Variants in SNTB1 observed in about 807,000 individuals in gnomAD.
The protein encoded by SNTB1 is syntrophin beta 1, also known as beta-1-syntrophin.
Under a neutral mutation model 48.9 loss-of-function variants are expected in SNTB1, and 36 were observed. The observed-to-expected ratio is 0.74, with a 90% CI of 0.56 to 0.97. The LOEUF (loss-of-function observed/expected upper bound fraction) is 0.97, where lower values mean the gene tolerates loss of function less well. SNTB1 is among the 50% of genes least tolerant of loss of function. The pLI is 0.00. For synonymous variants in SNTB1, 299 were observed against 294.6 expected, an observed-to-expected ratio of 1.01 and a Z score of -0.15; for missense variants, 786 against 703.4, an observed-to-expected ratio of 1.12 and a Z score of -1.33.
intron 2 of SNTB1, among the ~76,000 whole-genome samples, chr8:120,649,412 T>TG (rs1474241441): frequency 1.5e-5 from 2 of 135,716 alleles, no homozygotes; most frequent in Non-Finnish European, 3.2e-5. Flanking sequence ...GCAGGTCTGT[T>TG]GGAGTACCCT....
chr8:120,809,151 A>G (rs1324194673), intron 1 of SNTB1, among the ~76,000 whole-genome samples: 1 of 152,216 alleles, frequency 6.6e-6, no homozygotes, highest in Non-Finnish European at 1.5e-5. Flanking sequence ...ATTTGACTTG[A>G]TGGTATTTGA....
At chr8:120,719,151 G>A (rs914072311) in intron 1 of SNTB1, among the ~76,000 whole-genome samples, 1 of 152,188 alleles carries the variant, frequency 6.6e-6, no homozygotes. Flanking sequence ...GTCTGTGAGG[G>A]TGTTGCCAAA....
At chr8:120,634,058 C>T (rs1287665271) in intron 2 of SNTB1, among the ~76,000 whole-genome samples, 3 of 152,096 alleles carry the variant, frequency 2.0e-5, no homozygotes, top group African/African-American at 4.8e-5. Context: ...ATGTGTTCCC[C>T]CACACCCACC....
In SNTB1 at chr8:120,811,269, T is replaced by G. The variant is rs756159244; in HGVS notation, c.571+4A>C. ...GCGCGGCCCGCGCGCTGTTAACCCC[T>G]TACCTTCCAGCAGCACTTCCTTGCC... On this transcript the variant is annotated splice_donor_region_variant and intron_variant, in intron 1 of 6. Transcript: ENST00000517992. 7 of 1,591,370 alleles carry G rather than the reference T, an allele frequency of 4.4e-6. No homozygotes were observed. The South Asian group carries it at 7.8e-5, about 18-fold the overall frequency.
intron 2 of SNTB1, among the ~76,000 whole-genome samples, chr8:120,644,498 T>A (rs1817250174): frequency 6.6e-6 from 1 of 152,178 alleles, no homozygotes; most frequent in Non-Finnish European, 1.5e-5. Context: ...GAACTCATCA[T>A]TTTTTATGGC....
intron 4 of SNTB1, chr8:120,571,234 G>T (rs1356039588): frequency 7.9e-7 from 1 of 1,266,980 alleles, no homozygotes; most frequent in Admixed American, 2.5e-5. Context: ...TTGTTTCTGA[G>T]AATCATTTCA....
intron 2 of SNTB1, among the ~76,000 whole-genome samples, chr8:120,636,422 G>C: frequency 1.7e-5 from 2 of 120,652 alleles, no homozygotes; most frequent in Non-Finnish European, 3.3e-5. Flanking sequence ...TCCCCAGAGT[G>C]TGATGTTCCC....
At chr8:120,729,215 C>G (rs561427304) in intron 1 of SNTB1, among the ~76,000 whole-genome samples, 207 of 152,326 alleles carry the variant, frequency 1.4e-3, no homozygotes, top group African/African-American at 5.0e-3. Flanking sequence ...AACTCCTGGT[C>G]TCAAGTGATC....
chr8:120,677,302 C>T (rs1339577797), intron 2 of SNTB1, among the ~76,000 whole-genome samples: 2 of 152,152 alleles, frequency 1.3e-5, no homozygotes, highest in Non-Finnish European at 2.9e-5. Context: ...TTCTATAAAG[C>T]CATACATGGC....
intron 4 of SNTB1, 152 bp from the exon 5 acceptor site, chr8:120,549,110 C>T: frequency 1.7e-6 from 1 of 604,092 alleles, no homozygotes; most frequent in Non-Finnish European, 2.8e-6. Flanking sequence ...CTGCCATCTC[C>T]TCTCCAATGA....
rs971142457 is a variant in SNTB1, at chr8:120,536,877, C to T, written c.*2000G>A. The stretch of plus-strand genomic sequence containing the variant: ...AGTTAACTCATACTTCATGTAGAAC[C>T]GAGCACCTTAGATTACATATTGTTG... On this transcript the variant is annotated 3_prime_UTR_variant, in exon 7 of 7. Transcript: ENST00000517992. 6.6e-5 allele frequency: 10 copies of T among 151,738 alleles called. 1 individual carries two copies. The South Asian group carries it at 8.3e-4, about 13-fold the overall frequency. 9.4% of individuals were successfully genotyped at this position (151,738 alleles called of 1,614,324 possible).
rs185086944 is a variant in SNTB1, at chr8:120,560,204, C to T, written c.1137-11246G>A. Among the ~76,000 whole-genome samples, 279 of 152,266 alleles carry T rather than the reference C, an allele frequency of 1.8e-3. 1 individual carries two copies. Among genetic ancestry groups the T allele is most frequent in the Non-Finnish European group, 2.9e-3 (194 of 68,020 alleles). On this transcript the variant is annotated intron_variant, in intron 4 of 6. Transcript: ENST00000517992. ...TCTTCTAACCTCCTTTCATCTGGGCCGGGTGCGGTGGCTCATGCGTGTAAT... is the reference window on the plus strand; with the variant it reads ...TCTTCTAACCTCCTTTCATCTGGGCTGGGTGCGGTGGCTCATGCGTGTAAT...
intron 3 of SNTB1, among the ~76,000 whole-genome samples, chr8:120,590,919 T>C (rs181635766): frequency 1.4e-3 from 206 of 152,226 alleles, no homozygotes; most frequent in African/African-American, 4.8e-3. Flanking sequence ...ACTCCTGACC[T>C]CGTGATCCGC....
chr8:120,581,189 A>G (rs1188024063), intron 3 of SNTB1, among the ~76,000 whole-genome samples: 1 of 152,172 alleles, frequency 6.6e-6, no homozygotes, highest in Non-Finnish European at 1.5e-5. Flanking sequence ...GAGAATGAGA[A>G]AAAAGGCCAG....
intron 3 of SNTB1, among the ~76,000 whole-genome samples, chr8:120,608,869 C>A (rs983524720): frequency 6.6e-6 from 1 of 152,054 alleles, no homozygotes; most frequent in Non-Finnish European, 1.5e-5. Flanking sequence ...CAAAGGTGAG[C>A]AAAGAAACCA....
chr8:120,795,303 C>T (rs926550039), intron 1 of SNTB1, among the ~76,000 whole-genome samples: 1 of 151,632 alleles, frequency 6.6e-6, no homozygotes, highest in Non-Finnish European at 1.5e-5. Context: ...TCTCTGGTAA[C>T]TGTACACATA....
At chr8:120,579,807 C>G (rs779140713) in intron 3 of SNTB1, among the ~76,000 whole-genome samples, 13 of 152,218 alleles carry the variant, frequency 8.5e-5, no homozygotes, top group Non-Finnish European at 1.8e-4. Context: ...AAGAATGATA[C>G]TGTTGTCACT....
chr8:120,656,375 T>C (rs372753647), intron 2 of SNTB1, among the ~76,000 whole-genome samples: 1 of 152,206 alleles, frequency 6.6e-6, no homozygotes, highest in Admixed American at 6.5e-5. Flanking sequence ...GACACATACA[T>C]TTACAAAATA....
At chr8:120,754,644 A>G (rs148934967) in intron 1 of SNTB1, among the ~76,000 whole-genome samples, 2 of 151,740 alleles carry the variant, frequency 1.3e-5, no homozygotes, top group Non-Finnish European at 2.9e-5. Context: ...GTGTAGATGT[A>G]GAGAGTATAT....
Sources: gnomAD v4.1 joint callset for allele counts (sites outside exome capture counted in the v4.1 genomes callset) on GRCh38, gnomAD v4.1.1 for gene constraint, MANE v1.5 for transcripts, NCBI Gene and HGNC (gene_info 2026-07-23, HGNC 2026-07-21) for gene names.